SNTB1: variants seen among roughly 807,000 people sequenced by gnomAD.
SNTB1 encodes beta-1-syntrophin.
In SNTB1, 36 loss-of-function variants were observed where a neutral mutation model predicts 48.9. The ratio of observed to expected loss-of-function variants is 0.74; its 90% confidence interval spans 0.56 to 0.97. SNTB1 has a LOEUF of 0.97. SNTB1 is among the 50% of genes least tolerant of loss of function. SNTB1 has a pLI of 0.00. For missense variants in SNTB1, 786 were observed against 703.4 expected, an observed-to-expected ratio of 1.12 and a Z score of -1.33; for synonymous variants, 299 against 294.6, an observed-to-expected ratio of 1.01 and a Z score of -0.15.
intron 3 of SNTB1, among the ~76,000 whole-genome samples, chr8:120,621,116 T>C (rs537826304): frequency 7.9e-5 from 12 of 152,072 alleles, no homozygotes; most frequent in African/African-American, 1.2e-4. Context: ...CCCGACACCA[T>C]GCCCGGCTAA....
chr8:120,548,964 G>C lies in SNTB1; in HGVS notation c.1137-6C>G, dbSNP rs1815432468. On this transcript the variant is annotated splice_region_variant and splice_polypyrimidine_tract_variant and intron_variant, in intron 4 of 6. Coordinates refer to ENST00000517992, the MANE Select transcript of SNTB1 (RefSeq NM_021021.4). ...CTGGACCTGAATGGACCAGCCTGGA[G>C]AGAGAGAGAGAGAGACATCATCAAA... 1 of 1,496,498 alleles carries C rather than the reference G, an allele frequency of 6.7e-7. No individual in the cohort carries two copies. Among genetic ancestry groups the C allele is most frequent in the African/African-American group, 1.4e-5 (1 of 71,066 alleles). The allele number at this position is 1,496,498 out of a possible 1,614,324, so 92.7% of individuals were successfully genotyped here. A position where few individuals can be genotyped will look rare whatever the true frequency, so the allele number is the denominator to read the frequency against.
Position 120,581,088 on chromosome 8 carries a change from CAAAAAAA to C in SNTB1, c.997-5870_997-5864del, listed in dbSNP as rs775547135. Among the ~76,000 whole-genome samples, 51 of 89,980 alleles carry C rather than the reference CAAAAAAA, an allele frequency of 5.7e-4. 1 individual carries two copies. The highest frequency in any genetic ancestry group is 1.0e-3 in the African/African-American group (27 of 26,902). The allele number at this position is 89,980 out of a possible 152,430, so 59.0% of individuals were successfully genotyped here. A position where few individuals can be genotyped will look rare whatever the true frequency, so the allele number is the denominator to read the frequency against. ...TGGGCAACAGAGTGAGACCCTGTCT[CAAAAAAA>C]AAAAAAAAAAAAGAGAAAGAAAAAG... On this transcript the variant is annotated intron_variant, in intron 3 of 6. Transcript: ENST00000517992.
At chr8:120,713,364 C>T (rs1273479710) in intron 1 of SNTB1, among the ~76,000 whole-genome samples, 1 of 152,202 alleles carries the variant, frequency 6.6e-6, no homozygotes, top group Non-Finnish European at 1.5e-5. Flanking sequence ...TGCACCTTTT[C>T]AGTCACCCCC....
chr8:120,716,442 C>T (rs1048113364), intron 1 of SNTB1, among the ~76,000 whole-genome samples: 2 of 152,200 alleles, frequency 1.3e-5, no homozygotes, highest in African/African-American at 2.4e-5. Flanking sequence ...ACATTCTAGG[C>T]AAAATATTCT....
intron 3 of SNTB1, among the ~76,000 whole-genome samples, chr8:120,624,786 T>C (rs537225140): frequency 6.6e-6 from 1 of 152,300 alleles, no homozygotes; most frequent in South Asian, 2.1e-4. Flanking sequence ...GCTGTGAGTC[T>C]GTGAAATCAA....
rs1033881076 is a variant in SNTB1, at chr8:120,697,137, C to T, written c.572-3229G>A. On this transcript the variant is annotated intron_variant, in intron 1 of 6. Coordinates refer to ENST00000517992, the MANE Select transcript of SNTB1 (RefSeq NM_021021.4). Reference sequence around the variant, plus strand: ...CCAGAAATGTGTGGCTTTAGCCATTCCTGGGAAGAAGCATGGGGAGTATAG... The same window carrying T: ...CCAGAAATGTGTGGCTTTAGCCATTTCTGGGAAGAAGCATGGGGAGTATAG... Among the ~76,000 whole-genome samples the T allele has an allele frequency of 7.9e-5, 12 of 152,200 alleles. No homozygotes were observed. In the East Asian group the frequency reaches 2.3e-3, roughly 29 times the overall value.
intron 1 of SNTB1, among the ~76,000 whole-genome samples, chr8:120,794,577 T>A (rs1043092995): frequency 4.2e-5 from 5 of 119,760 alleles, no homozygotes; most frequent in African/African-American, 2.0e-4. Flanking sequence ...AATGATAATC[T>A]TGTTAATTAG....
intron 3 of SNTB1, among the ~76,000 whole-genome samples, chr8:120,625,004 T>C (rs1469480211): frequency 6.6e-6 from 1 of 152,196 alleles, no homozygotes; most frequent in Non-Finnish European, 1.5e-5. Context: ...GGGACAGACA[T>C]GGGGCCTCTA....
chr8:120,681,446 C>A (rs979218508), intron 2 of SNTB1, among the ~76,000 whole-genome samples: 1 of 152,144 alleles, frequency 6.6e-6, no homozygotes, highest in African/African-American at 2.4e-5. Context: ...GAATTCCATC[C>A]AGATGTGAGT....
At chr8:120,616,481 T>TG (rs113654720) in intron 3 of SNTB1, among the ~76,000 whole-genome samples, 26,625 of 149,918 alleles carry the variant, frequency 0.18, 3,235 homozygotes, top group East Asian at 0.62. Context: ...AAAAAAGTTT[T>TG]TTTTTTTTTT....
At chr8:120,694,875 ATGTG>A (rs1371728747) in intron 1 of SNTB1, among the ~76,000 whole-genome samples, 1 of 152,134 alleles carries the variant, frequency 6.6e-6, no homozygotes, top group Non-Finnish European at 1.5e-5. Flanking sequence ...GTTTAACCAT[ATGTG>A]TGTATTACTT....
At chr8:120,694,219 C>G (rs1453850075) in intron 1 of SNTB1, among the ~76,000 whole-genome samples, 4 of 152,060 alleles carry the variant, frequency 2.6e-5, no homozygotes, top group African/African-American at 9.7e-5. Flanking sequence ...AGGCTGAAAA[C>G]ATGGGCAGAG....
intron 3 of SNTB1, among the ~76,000 whole-genome samples, chr8:120,615,478 T>C (rs1273534743): frequency 2.6e-5 from 4 of 152,158 alleles, no homozygotes; most frequent in African/African-American, 9.7e-5. Flanking sequence ...GGGGCCTCAT[T>C]AAAAACTGAG....
intron 1 of SNTB1, among the ~76,000 whole-genome samples, chr8:120,787,721 T>C (rs921821596): frequency 4.6e-5 from 7 of 152,130 alleles, no homozygotes; most frequent in African/African-American, 1.4e-4. Flanking sequence ...CTCTAAGAAA[T>C]ATGGGATTAT....
chr8:120,562,368 G>C lies in SNTB1; in HGVS notation c.1136+12718C>G, dbSNP rs183142155. On this transcript the variant is annotated intron_variant, in intron 4 of 6. Coordinates refer to ENST00000517992, the MANE Select transcript of SNTB1 (RefSeq NM_021021.4). ...AGTCTCAGGATTCAATACCTGGTTT[G>C]TCTGATTTCAAAGTCCATGGACCTC... Among the ~76,000 whole-genome samples the C allele has an allele frequency of 9.0e-4, 137 of 152,248 alleles. 1 individual carries two copies. Among genetic ancestry groups the C allele is most frequent in the African/African-American group, 3.0e-3 (126 of 41,552 alleles).
At position 120,784,006 on chromosome 8, in the gene SNTB1, T is replaced by G. The variant is rs1417946486; in HGVS notation, c.571+27267A>C. 6.6e-5 allele frequency among the ~76,000 whole-genome samples: 10 copies of G among 152,242 alleles called. No homozygotes were observed. In the South Asian group the frequency reaches 2.1e-3, roughly 32 times the overall value. On this transcript the variant is annotated intron_variant, in intron 1 of 6. Coordinates refer to ENST00000517992, the MANE Select transcript of SNTB1 (RefSeq NM_021021.4). ...CAGTTTTGTTTTGTTTTGTTTTGTTTTTTTTGAGACAGAGTCTTGCTCTGT... is the reference window on the plus strand; with the variant it reads ...CAGTTTTGTTTTGTTTTGTTTTGTTGTTTTTGAGACAGAGTCTTGCTCTGT...
intron 4 of SNTB1, chr8:120,571,096 A>G: frequency 1.5e-6 from 1 of 676,640 alleles, no homozygotes; most frequent in Non-Finnish European, 2.0e-6. Flanking sequence ...CTGATGAATG[A>G]ATGAATGAAT....
At chr8:120,616,914 G>A (rs192842327) in intron 3 of SNTB1, among the ~76,000 whole-genome samples, 6 of 152,286 alleles carry the variant, frequency 3.9e-5, no homozygotes, top group Admixed American at 3.3e-4. Flanking sequence ...GAAAGGGAAC[G>A]TGGCTCCTGC....
Position 120,564,530 on chromosome 8 carries a change from T to C in SNTB1, c.1136+10556A>G, listed in dbSNP as rs145491546. 4.4e-3 allele frequency among the ~76,000 whole-genome samples: 669 copies of C among 150,770 alleles called. 17 individuals are homozygous for C. Among genetic ancestry groups the C allele is most frequent in the Admixed American group, 0.031 (468 of 15,094 alleles). ...TAATACATTCATCATATTTTAATTT[T>C]CATAACTGCCCTGCAATAGATACTA... On this transcript the variant is annotated intron_variant, in intron 4 of 6. Transcript: ENST00000517992.
Sources: allele counts gnomAD v4.1 joint callset (sites outside exome capture counted in the v4.1 genomes callset), GRCh38; gene constraint gnomAD v4.1.1; transcripts MANE v1.5; gene names NCBI Gene and HGNC (gene_info 2026-07-23, HGNC 2026-07-21).